BRPF3: variants seen among roughly 807,000 people sequenced by gnomAD.
BRPF3 encodes bromodomain and PHD finger-containing protein 3.
A neutral mutation model predicts 102.0 loss-of-function variants in BRPF3; 18 were observed. The observed-to-expected ratio is 0.18, with a 90% confidence interval of 0.12 to 0.26. The LOEUF is 0.26. Ranked by LOEUF, BRPF3 falls within the 10% of genes least tolerant of loss-of-function variation. The pLI, the probability that BRPF3 is intolerant of heterozygous loss-of-function variation, is 1.00. For missense variants in BRPF3, 1,147 were observed against 1,567.8 expected, an observed-to-expected ratio of 0.73 and a Z score of 4.53; for synonymous variants, 570 against 614.2, an observed-to-expected ratio of 0.93 and a Z score of 1.06.
At chr6:36,198,049 G>T (rs1298124177) in intron 1 of BRPF3, among the ~76,000 whole-genome samples, 3 of 152,158 alleles carry the variant, frequency 2.0e-5, no homozygotes, top group Admixed American at 1.3e-4. Context: ...GGTGGGTGAT[G>T]AAGCAGGTCT....
intron 7 of BRPF3, among the ~76,000 whole-genome samples, chr6:36,211,818 G>A (rs1326035860): frequency 6.6e-6 from 1 of 152,222 alleles, no homozygotes; most frequent in African/African-American, 2.4e-5. Context: ...GGCCCCTGTT[G>A]TGGATATTTA....
chr6:36,219,578 G>A (rs1424509757), intron 9 of BRPF3, among the ~76,000 whole-genome samples: 2 of 152,178 alleles, frequency 1.3e-5, no homozygotes. Flanking sequence ...AGCAAGCAAG[G>A]CCAGGCTCTG....
At chr6:36,206,175 C>A (rs1767898795) in intron 3 of BRPF3, among the ~76,000 whole-genome samples, 1 of 152,222 alleles carries the variant, frequency 6.6e-6, no homozygotes, top group African/African-American at 2.4e-5. Context: ...CTAATTCTTT[C>A]TTTGATCTTC....
intron 3 of BRPF3, among the ~76,000 whole-genome samples, chr6:36,205,764 T>C (rs1767882967): frequency 6.6e-6 from 1 of 152,244 alleles, no homozygotes; most frequent in South Asian, 2.1e-4. Context: ...GCTCGTTTGC[T>C]TGGAGAACAT....
chr6:36,200,730 C>T lies in BRPF3; in HGVS notation c.408C>T (p.Ala136=). 1 of 1,614,194 alleles carries T rather than the reference C, an allele frequency of 6.2e-7. No homozygotes were observed. The part of the protein sequence containing the change: ...IQPEAPPLPA[A]YYRYIEKPPE... Reference sequence around the variant, plus strand: ...CAGAAGCACCCCCGCTGCCTGCTGCCTACTACCGCTACATTGAGAAGCCAC... The same window carrying T: ...CAGAAGCACCCCCGCTGCCTGCTGCTTACTACCGCTACATTGAGAAGCCAC... Residue 136 remains alanine, a synonymous_variant, in exon 2 of 13, where the codon GCC becomes GCT. Transcript: ENST00000357641. This position sits in a 1 kb window ranked among gnomAD's most constrained non-coding sequence, Gnocchi z 5.3.
chr6:36,219,426 G>A (rs1188608644), intron 9 of BRPF3, among the ~76,000 whole-genome samples: 1 of 152,162 alleles, frequency 6.6e-6, no homozygotes, highest in Non-Finnish European at 1.5e-5. Flanking sequence ...CAAAGATAAG[G>A]TACCTGGAAG....
intron 9 of BRPF3, among the ~76,000 whole-genome samples, chr6:36,219,743 T>C (rs1768467951): frequency 6.6e-6 from 1 of 152,208 alleles, no homozygotes; most frequent in Non-Finnish European, 1.5e-5. Flanking sequence ...GTTGTTTTTC[T>C]TTTTCCCCCC....
At chr6:36,220,307 A>C (rs2127293954) in intron 9 of BRPF3, among the ~76,000 whole-genome samples, 1 of 152,336 alleles carries the variant, frequency 6.6e-6, no homozygotes, top group East Asian at 1.9e-4. Context: ...AAAATTTACT[A>C]TCCTTCGTAT....
Position 36,226,152 on chromosome 6 carries a change from A to G in BRPF3, c.3279+788A>G, listed in dbSNP as rs1183231402. Among the ~76,000 whole-genome samples, 3 of 152,244 alleles carry G rather than the reference A, an allele frequency of 2.0e-5. No individual in the cohort carries two copies. The East Asian group carries it at 5.8e-4, about 29-fold the overall frequency. The stretch of plus-strand genomic sequence containing the variant: ...AACAGTTGGCAATAAACATCATTGT[A>G]GTTTTACCCTTGTGCACATCCATGA... On this transcript the variant is annotated intron_variant, in intron 11 of 12. Coordinates refer to ENST00000357641, the MANE Select transcript of BRPF3 (RefSeq NM_015695.3).
intron 11 of BRPF3, among the ~76,000 whole-genome samples, chr6:36,228,035 G>A (rs1768803620): frequency 6.6e-6 from 1 of 152,182 alleles, no homozygotes; most frequent in African/African-American, 2.4e-5. Context: ...CTGGAAGCAG[G>A]GGCTGTGTAG....
intron 11 of BRPF3, among the ~76,000 whole-genome samples, chr6:36,227,235 T>C (rs1243590331): frequency 6.6e-6 from 1 of 152,108 alleles, no homozygotes; most frequent in Non-Finnish European, 1.5e-5. Context: ...AAACATTTTT[T>C]CTTGTTTTTG....
intron 1 of BRPF3, among the ~76,000 whole-genome samples, chr6:36,199,548 C>A (rs75855803): frequency 1.3e-5 from 2 of 152,180 alleles, no homozygotes; most frequent in African/African-American, 4.8e-5. Flanking sequence ...GGTTTCTGAT[C>A]GTGGTAAGAG....
rs776259887 is a variant in BRPF3, at chr6:36,216,360, C to T, written c.2990-1557C>T. ...CCTGCTGTTGGGAAGTAGCTCTGTA[C>T]ATGAGGCCCATCCAACCTGAGGGGG... On this transcript the variant is annotated intron_variant, in intron 8 of 12. Coordinates refer to ENST00000357641, the MANE Select transcript of BRPF3 (RefSeq NM_015695.3). Among the ~76,000 whole-genome samples, 13 of 152,182 alleles carry T rather than the reference C, an allele frequency of 8.5e-5. No individual in the cohort carries two copies. In the South Asian group the frequency reaches 1.2e-3, roughly 15 times the overall value.
rs184056366 is a variant in BRPF3 at position 36,219,583 on chromosome 6, G to T, written c.3083+1573G>T. ...GAGCCACAAGAGCAAGCAAGGCCAG[G>T]CTCTGGTTAGCCTGCTAATTCAGGT... On this transcript the variant is annotated intron_variant, in intron 9 of 12. Coordinates refer to ENST00000357641, the MANE Select transcript of BRPF3 (RefSeq NM_015695.3). Among the ~76,000 whole-genome samples the T allele has an allele frequency of 3.3e-5, 5 of 152,302 alleles. No individual in the cohort carries two copies. In the East Asian group the frequency reaches 9.7e-4, roughly 29 times the overall value.
chr6:36,203,269 C>CAGTTTATTTGTAA lies in BRPF3; in HGVS notation c.1449-1389_1449-1388insAGTTTATTTGTAA, dbSNP rs1767783069. ...TGGCAAGTTGCTTAGCTGCTCTAAG[C>CAGTTTATTTGTAA]CTTAGTTTATTTGTAAATGAACCCA... On this transcript the variant is annotated intron_variant, in intron 2 of 12. Transcript: ENST00000357641. 3.9e-5 allele frequency among the ~76,000 whole-genome samples: 6 copies of CAGTTTATTTGTAA among 152,216 alleles called. No homozygotes were observed. In the South Asian group the frequency reaches 1.0e-3, roughly 26 times the overall value.
At chr6:36,216,793 C>A (rs989376991) in intron 8 of BRPF3, among the ~76,000 whole-genome samples, 8 of 152,166 alleles carry the variant, frequency 5.3e-5, no homozygotes, top group African/African-American at 1.9e-4. Context: ...AATCCCAGCA[C>A]TTTGGGAGGC....
intron 11 of BRPF3, among the ~76,000 whole-genome samples, 162 bp downstream of exon 11, chr6:36,225,526 C>T (rs59200830): frequency 0.22 from 34,155 of 151,988 alleles, 4,017 homozygotes; most frequent in African/African-American, 0.29. Flanking sequence ...TAGCAAGGCT[C>T]CCAGCTTGGA....
chr6:36,210,617 G>A lies in BRPF3; in HGVS notation c.2179+89G>A, dbSNP rs184398935. On this transcript the variant is annotated intron_variant, in intron 6 of 12. Transcript: ENST00000357641. This position sits in a 1 kb window ranked among gnomAD's most constrained non-coding sequence, Gnocchi z 4.7. ...GAGTGAGGGATCAGGGTGGTCCTTG[G>A]GGCTATAGGTAGACTCCAGGAGCAA... is the stretch of plus-strand genomic sequence containing the variant. The A allele has an allele frequency of 1.5e-5, 19 of 1,290,622 alleles. No homozygotes were observed. In the Admixed American group the frequency reaches 2.7e-4, roughly 18 times the overall value. The allele number at this position is 1,290,622 out of a possible 1,614,324, so 79.9% of individuals were successfully genotyped here. A position where few individuals can be genotyped will look rare whatever the true frequency, so the allele number is the denominator to read the frequency against.
intron 9 of BRPF3, among the ~76,000 whole-genome samples, chr6:36,220,660 T>A (rs1768502560): frequency 6.6e-6 from 1 of 152,244 alleles, no homozygotes; most frequent in Non-Finnish European, 1.5e-5. Context: ...TTTACATTTG[T>A]ACAAGGCCTC....
Sources: gnomAD v4.1 joint callset for allele counts (sites outside exome capture counted in the v4.1 genomes callset) on GRCh38, gnomAD v4.1.1 for gene constraint, Gnocchi (gnomAD v3.1) non-coding constraint, MANE v1.5 for transcripts, NCBI Gene and HGNC (gene_info 2026-07-23, HGNC 2026-07-21) for gene names.